FOXP2: variants seen among roughly 807,000 people sequenced by gnomAD.
FOXP2 encodes the protein forkhead box protein P2.
In FOXP2, 12 loss-of-function variants were observed where a neutral mutation model predicts 115.8. That is an observed-to-expected ratio of 0.10 (90% confidence interval 0.07 to 0.17). FOXP2 has a LOEUF of 0.17. Ranked by LOEUF, FOXP2 falls within the 10% of genes least tolerant of loss-of-function variation. The pLI is 1.00. For synonymous variants in FOXP2, 328 were observed against 297.7 expected, an observed-to-expected ratio of 1.10 and a Z score of -1.05; for missense variants, 629 against 843.5, an observed-to-expected ratio of 0.75 and a Z score of 3.15.
chr7:114,622,704 C>T (rs977215492), intron 3 of FOXP2, among the ~76,000 whole-genome samples: 5 of 151,790 alleles, frequency 3.3e-5, no homozygotes, highest in Admixed American at 1.3e-4. Flanking sequence ...GGACAGCTTG[C>T]TTTTTGTTGA....
At chr7:114,343,485 C>T (rs990112132) in intron 2 of FOXP2, among the ~76,000 whole-genome samples, 13 of 151,456 alleles carry the variant, frequency 8.6e-5, no homozygotes, top group Non-Finnish European at 1.9e-4. Flanking sequence ...TAGAGTTAGG[C>T]TCATTGTACT....
chr7:114,239,248 A>T (rs188496576), intron 1 of FOXP2, among the ~76,000 whole-genome samples: 5 of 151,870 alleles, frequency 3.3e-5, no homozygotes, highest in Admixed American at 2.6e-4. Flanking sequence ...TTTTTTTGTC[A>T]TTCAGTAGTA....
intron 1 of FOXP2, among the ~76,000 whole-genome samples, chr7:114,119,017 T>C (rs1255306589): frequency 3.3e-5 from 5 of 152,184 alleles, no homozygotes; most frequent in Non-Finnish European, 7.3e-5. Flanking sequence ...AAAGTCCATT[T>C]TGGAATTAAA....
intron 1 of FOXP2, among the ~76,000 whole-genome samples, chr7:114,152,798 G>A (rs551396296): frequency 2.6e-5 from 4 of 152,056 alleles, no homozygotes; most frequent in Non-Finnish European, 5.9e-5. Context: ...GGGTAGTTCT[G>A]AAGTTTGACA....
chr7:114,493,137 T>A (rs1283036754), intron 2 of FOXP2, among the ~76,000 whole-genome samples: 1 of 152,230 alleles, frequency 6.6e-6, no homozygotes, highest in Non-Finnish European at 1.5e-5. Flanking sequence ...CTCTTCTTGT[T>A]GAATTGATCC....
At chr7:114,334,765 A>G (rs1311587159) in intron 2 of FOXP2, among the ~76,000 whole-genome samples, 1 of 151,240 alleles carries the variant, frequency 6.6e-6, no homozygotes, top group African/African-American at 2.4e-5. Flanking sequence ...AATTAAGATA[A>G]TGTATTTACT....
chr7:114,599,566 T>G (rs1227790674), intron 3 of FOXP2, among the ~76,000 whole-genome samples: 1 of 152,142 alleles, frequency 6.6e-6, no homozygotes, highest in Non-Finnish European at 1.5e-5. Context: ...TCTAGGAACT[T>G]GTTCAGTTCA....
chr7:114,318,339 C>T (rs1313692558), intron 2 of FOXP2, among the ~76,000 whole-genome samples: 2 of 145,538 alleles, frequency 1.4e-5, no homozygotes, highest in Middle Eastern at 3.6e-3. Flanking sequence ...TGTACTTCTT[C>T]GCTACAGTAT....
intron 3 of FOXP2, among the ~76,000 whole-genome samples, chr7:114,550,144 G>A (rs1182338902): frequency 2.2e-5 from 3 of 134,398 alleles, no homozygotes; most frequent in Non-Finnish European, 4.6e-5. Context: ...TTGAGATGGA[G>A]TCTCGCTCTG....
At chr7:114,586,742 T>A (rs1191029206) in intron 3 of FOXP2, among the ~76,000 whole-genome samples, 1 of 152,180 alleles carries the variant, frequency 6.6e-6, no homozygotes, top group African/African-American at 2.4e-5. Context: ...ACTGAGATTT[T>A]TATAGGGAGG....
At chr7:114,334,292 T>G (rs2129183381) in intron 2 of FOXP2, among the ~76,000 whole-genome samples, 1 of 152,068 alleles carries the variant, frequency 6.6e-6, no homozygotes, top group African/African-American at 2.4e-5. Context: ...GTCTGAAAGA[T>G]ACACACCTGT....
At chr7:114,213,914 T>C (rs1348459065) in intron 1 of FOXP2, among the ~76,000 whole-genome samples, 1 of 152,338 alleles carries the variant, frequency 6.6e-6, no homozygotes, top group Non-Finnish European at 1.5e-5. Context: ...AGTAAAGATA[T>C]GCTCACCTAA....
At chr7:114,237,841 G>C (rs2129167009) in intron 1 of FOXP2, among the ~76,000 whole-genome samples, 1 of 152,032 alleles carries the variant, frequency 6.6e-6, no homozygotes, top group East Asian at 1.9e-4. Context: ...CAGGTGTGGT[G>C]GTGGGTGCCT....
At chr7:114,131,531 G>A (rs1791877091) in intron 1 of FOXP2, among the ~76,000 whole-genome samples, 1 of 151,572 alleles carries the variant, frequency 6.6e-6, no homozygotes, top group African/African-American at 2.4e-5. Flanking sequence ...AACTACATTA[G>A]TCGAGCCTGC....
chr7:114,288,182 T>A, intron 2 of FOXP2: 1 of 427,612 alleles, frequency 2.3e-6, no homozygotes, highest in Non-Finnish European at 4.6e-6. Flanking sequence ...CTGATTTTAC[T>A]CTTTAGTTTT....
At chr7:114,398,238 T>C (rs1256936317) in intron 2 of FOXP2, among the ~76,000 whole-genome samples, 1 of 152,132 alleles carries the variant, frequency 6.6e-6, no homozygotes, top group African/African-American at 2.4e-5. Flanking sequence ...ATTCTTAATA[T>C]ATTTAAAGAT....
chr7:114,302,666 G>A (rs1469840447), intron 2 of FOXP2, among the ~76,000 whole-genome samples: 1 of 152,140 alleles, frequency 6.6e-6, no homozygotes, highest in African/African-American at 2.4e-5. Context: ...AGTGAGGGCA[G>A]AACCTATGAC....
chr7:114,383,113 C>T lies in FOXP2; in HGVS notation c.-10-43389C>T, dbSNP rs187360619. Among the ~76,000 whole-genome samples the T allele has an allele frequency of 3.6e-3, 546 of 152,204 alleles. 3 individuals carry two copies. Among genetic ancestry groups the T allele is most frequent in the Middle Eastern group, 6.8e-3 (2 of 294 alleles). The stretch of plus-strand genomic sequence containing the variant: ...CCAAACTCTTGGGTTGCAGTTATGG[C>T]GGCACTTCTCTCATTTGGGGTTAGT... On this transcript the variant is annotated intron_variant, in intron 2 of 17. Coordinates refer to the FOXP2 transcript ENST00000634411.
chr7:114,390,617 G>C (rs903097253), intron 2 of FOXP2, among the ~76,000 whole-genome samples: 1 of 152,024 alleles, frequency 6.6e-6, no homozygotes, highest in Non-Finnish European at 1.5e-5. Context: ...GCAGTGGCAT[G>C]ATCACTGCTC....
Sources: gnomAD v4.1 joint callset for allele counts (sites outside exome capture counted in the v4.1 genomes callset) on GRCh38, gnomAD v4.1.1 for gene constraint, MANE v1.5 for transcripts, NCBI Gene and HGNC (gene_info 2026-07-23, HGNC 2026-07-21) for gene names.